Variants in TP53INP1 observed in about 807,000 individuals in gnomAD.
The protein encoded by TP53INP1 is tumor protein p53 inducible nuclear protein 1, also known as tumor protein p53-inducible nuclear protein 1.
Under a neutral mutation model 21.0 loss-of-function variants are expected in TP53INP1, and 12 were observed. The ratio of observed to expected loss-of-function variants is 0.57; its 90% CI spans 0.37 to 0.93. TP53INP1 has a LOEUF of 0.93. Among genes scored for constraint, TP53INP1 ranks in the 40% least tolerant of loss-of-function variants. The pLI is 0.01. For missense variants in TP53INP1, 274 were observed against 294.7 expected, an observed-to-expected ratio of 0.93 and a Z score of 0.51; for synonymous variants, 91 against 94.8, an observed-to-expected ratio of 0.96 and a Z score of 0.23.
intron 3 of TP53INP1, among the ~76,000 whole-genome samples, chr8:94,936,028 T>C (rs1013447478): frequency 3.3e-5 from 5 of 152,126 alleles, no homozygotes; most frequent in African/African-American, 1.2e-4. Context: ...TGTCTGATAG[T>C]CTTATGTGGA....
At position 94,929,633 on chromosome 8, in the gene TP53INP1, A is replaced by C. The variant is rs1263707992; in HGVS notation, c.*846T>G. ...CTTGAGTGCCTGGACAAGTACTTCC[A>C]AATTTATAGCTGATGCGAGGTGAGG... On this transcript the variant is annotated 3_prime_UTR_variant, in exon 4 of 4. Coordinates refer to ENST00000342697, the MANE Select transcript of TP53INP1 (RefSeq NM_033285.4). The C allele has an allele frequency of 2.0e-5, 3 of 152,328 alleles. No homozygotes were observed. In the East Asian group the frequency reaches 5.8e-4, roughly 29 times the overall value. The allele number at this position is 152,328 out of a possible 1,614,324, so 9.4% of individuals were successfully genotyped here.
rs1405152679 is a variant in TP53INP1, at chr8:94,927,711, G to A, written c.*2768C>T. ...TGTTTTGTCAACAAAAACAAACTTT[G>A]AGAAACATGGCGCACTATAAAAGCT... On this transcript the variant is annotated 3_prime_UTR_variant, in exon 4 of 4. Coordinates refer to ENST00000342697, the MANE Select transcript of TP53INP1 (RefSeq NM_033285.4). 2 of 152,210 alleles carry A rather than the reference G, an allele frequency of 1.3e-5. No homozygotes were observed. Among genetic ancestry groups the A allele is most frequent in the Non-Finnish European group, 2.9e-5 (2 of 67,994 alleles). 9.4% of individuals were successfully genotyped at this position (152,210 alleles called of 1,614,324 possible).
At chr8:94,935,183 A>C (rs2131339344) in intron 3 of TP53INP1, among the ~76,000 whole-genome samples, 1 of 151,128 alleles carries the variant, frequency 6.6e-6, no homozygotes, top group Admixed American at 6.6e-5. Context: ...ATATAATACA[A>C]TACTTTTCTT....
Position 94,930,510 on chromosome 8 carries a change from TG to T in TP53INP1, c.691del (p.His231IlefsTer35). The T allele has an allele frequency of 1.9e-6, 3 of 1,614,260 alleles. No individual in the cohort carries two copies. Among genetic ancestry groups the T allele is most frequent in the Non-Finnish European group, 1.7e-6 (2 of 1,180,052 alleles). ...RQVKHNGWVV[H>X]QPCPRQYNY ...ATTGTACTGACGCGGGCAGGGCTGA[TG>T]AACAACCCAGCCATTGTGCTTGACT... On this transcript the variant is annotated frameshift_variant, in exon 4 of 4. Transcript: ENST00000342697. LOFTEE classifies it high-confidence loss of function.
intron 1 of TP53INP1, among the ~76,000 whole-genome samples, chr8:94,945,949 C>T (rs1821947300): frequency 6.6e-6 from 1 of 152,140 alleles, no homozygotes; most frequent in South Asian, 2.1e-4. Flanking sequence ...TTCTGCTTGG[C>T]TCAAAAGACC....
chr8:94,933,651 G>A (rs1056052309), intron 3 of TP53INP1, among the ~76,000 whole-genome samples: 1 of 152,036 alleles, frequency 6.6e-6, no homozygotes, highest in Non-Finnish European at 1.5e-5. Context: ...TGTAGTCCCA[G>A]CTAATCGGGA....
intron 3 of TP53INP1, among the ~76,000 whole-genome samples, chr8:94,933,676 A>T (rs951148947): frequency 6.6e-6 from 1 of 151,974 alleles, no homozygotes; most frequent in Non-Finnish European, 1.5e-5. Flanking sequence ...GAGGCATGAG[A>T]ATTGCTTGAA....
At chr8:94,936,233 G>C (rs1586717010) in intron 3 of TP53INP1, among the ~76,000 whole-genome samples, 1 of 152,222 alleles carries the variant, frequency 6.6e-6, no homozygotes, top group Non-Finnish European at 1.5e-5. Context: ...GGTGATGTCA[G>C]AGAAACACTA....
intron 2 of TP53INP1, 89 bp downstream of exon 2, chr8:94,940,741 C>CA: frequency 2.2e-6 from 2 of 922,834 alleles, no homozygotes; most frequent in East Asian, 5.0e-5. Context: ...GAAAACCCCT[C>CA]AGTTATTGGT....
Position 94,929,213 on chromosome 8 carries a change from AT to A in TP53INP1, c.*1265del, listed in dbSNP as rs1320218556. The A allele has an allele frequency of 6.6e-6, 1 of 152,326 alleles. No homozygotes were observed. The highest frequency in any genetic ancestry group is 1.5e-5 in the Non-Finnish European group (1 of 68,082). The allele number at this position is 152,326 out of a possible 1,614,324, so 9.4% of individuals were successfully genotyped here. On this transcript the variant is annotated 3_prime_UTR_variant, in exon 4 of 4. Coordinates refer to ENST00000342697, the MANE Select transcript of TP53INP1 (RefSeq NM_033285.4). ...CAGATTCAGTAGAAAGGCCCTTGGA[AT>A]TTCCTACAAGGTTCAGTTCTGAACA...
chr8:94,932,121 A>G, intron 3 of TP53INP1: 1 of 1,606,892 alleles, frequency 6.2e-7, no homozygotes, highest in Non-Finnish European at 8.5e-7. Context: ...CAAATGTTAA[A>G]TGGTGAACTA....
intron 1 of TP53INP1, among the ~76,000 whole-genome samples, chr8:94,947,956 T>C (rs1822162120): frequency 6.6e-6 from 1 of 152,222 alleles, no homozygotes; most frequent in African/African-American, 2.4e-5. Context: ...TGTATTTCAA[T>C]TACCAGGCTG....
rs1821479701 is a variant in TP53INP1, at chr8:94,941,045, C to T, written c.-104G>A. ...GGTACCGACAGGAGATTAAAGTGCA[C>T]AGGGTGCTTATTCAACTTAGGTGAA... On this transcript the variant is annotated 5_prime_UTR_variant, in exon 2 of 4. In the 5' UTR this introduces an upstream ATG that the reference lacks. Coordinates refer to ENST00000342697, the MANE Select transcript of TP53INP1 (RefSeq NM_033285.4). 1 of 773,450 alleles carries T rather than the reference C, an allele frequency of 1.3e-6. No individual in the cohort carries two copies. Among genetic ancestry groups the T allele is most frequent in the Non-Finnish European group, 2.1e-6 (1 of 468,504 alleles). 47.9% of individuals were successfully genotyped at this position (773,450 alleles called of 1,614,324 possible). A position where few individuals can be genotyped will look rare whatever the true frequency, so the allele number is the denominator to read the frequency against.
chr8:94,930,363 A>G lies in TP53INP1; in HGVS notation c.*116T>C. 1.4e-6 allele frequency: 2 copies of G among 1,409,476 alleles called. No homozygotes were observed. Among genetic ancestry groups the G allele is most frequent in the Non-Finnish European group, 1.9e-6 (2 of 1,028,034 alleles). The allele number at this position is 1,409,476 out of a possible 1,614,324, so 87.3% of individuals were successfully genotyped here. ...GATAGTGTCTAAATACACTGATAAA[A>G]CTATGTGATTGGTTATCAATTGGTT... is the stretch of plus-strand genomic sequence containing the variant. On this transcript the variant is annotated 3_prime_UTR_variant, in exon 4 of 4. Coordinates refer to ENST00000342697, the MANE Select transcript of TP53INP1 (RefSeq NM_033285.4).
In TP53INP1 at chr8:94,935,471, A is replaced by G. The variant is rs111645697; in HGVS notation, c.473+4389T>C. Among the ~76,000 whole-genome samples, 616 of 152,344 alleles carry G rather than the reference A, an allele frequency of 4.0e-3. 4 individuals are homozygous for G. The highest frequency in any genetic ancestry group is 0.013 in the African/African-American group (558 of 41,574). On this transcript the variant is annotated intron_variant, in intron 3 of 3. Coordinates refer to ENST00000342697, the MANE Select transcript of TP53INP1 (RefSeq NM_033285.4). ...ATATGATGTCTGTAAATTCGGGGAA[A>G]CTTAAAAAGCCAGAAGGCAGAGATT...
At chr8:94,944,283 G>C (rs542684744) in intron 1 of TP53INP1, among the ~76,000 whole-genome samples, 1 of 152,312 alleles carries the variant, frequency 6.6e-6, no homozygotes, top group African/African-American at 2.4e-5. Context: ...TGCTGCATGA[G>C]AGTAAGGCAC....
chr8:94,946,711 A>AAAG (rs1822043568), intron 1 of TP53INP1, among the ~76,000 whole-genome samples: 1 of 148,196 alleles, frequency 6.7e-6, no homozygotes, highest in Non-Finnish European at 1.5e-5. Flanking sequence ...AAAAAAAAAA[A>AAAG]AAAAAAAAAG....
chr8:94,938,920 G>A (rs1006086747), intron 3 of TP53INP1, among the ~76,000 whole-genome samples: 2 of 152,206 alleles, frequency 1.3e-5, no homozygotes, highest in African/African-American at 4.8e-5. Flanking sequence ...ATCAGAAATG[G>A]GAGGCAGTCT....
intron 3 of TP53INP1, among the ~76,000 whole-genome samples, chr8:94,933,834 T>TCG (rs1554630442): frequency 3.4e-5 from 2 of 59,022 alleles, no homozygotes; most frequent in African/African-American, 6.2e-5. Context: ...CAGCACTTTG[T>TCG]GGGGGGGGGG....
Sources: allele counts gnomAD v4.1 joint callset (sites outside exome capture counted in the v4.1 genomes callset), GRCh38; gene constraint gnomAD v4.1.1; transcripts MANE v1.5; gene names NCBI Gene and HGNC (gene_info 2026-07-23, HGNC 2026-07-21).